The following DEPDC5 variants were observed in gnomAD, a reference collection of about 807,000 sequenced individuals.
DEPDC5 encodes GATOR1 complex protein DEPDC5.
Under a neutral mutation model 217.3 loss-of-function variants are expected in DEPDC5, and 73 were observed. The observed-to-expected ratio is 0.34, with a 90% CI of 0.28 to 0.41. The LOEUF (loss-of-function observed/expected upper bound fraction) is 0.41. DEPDC5 is among the 10% of genes least tolerant of loss of function. The pLI, the probability that DEPDC5 is intolerant of heterozygous loss-of-function variation, is 1.00. For missense variants in DEPDC5, 1,675 were observed against 2,070.1 expected, an observed-to-expected ratio of 0.81 and a Z score of 3.70; for synonymous variants, 733 against 756.7, an observed-to-expected ratio of 0.97 and a Z score of 0.51.
intron 10 of DEPDC5, among the ~76,000 whole-genome samples, chr22:31,790,221 A>G (rs888819609): frequency 1.3e-5 from 2 of 152,122 alleles, no homozygotes; most frequent in African/African-American, 4.8e-5. Flanking sequence ...ACATCCATGA[A>G]ATGTACATTA....
intron 2 of DEPDC5, chr22:31,757,181 T>C (rs565778907): frequency 2.0e-5 from 3 of 152,130 alleles, no homozygotes; most frequent in South Asian, 2.1e-4. Flanking sequence ...AGTGGAAACA[T>C]AGCAAATAAA....
At position 31,783,923 on chromosome 22, in the gene DEPDC5, C is replaced by T. The variant is rs575683658; in HGVS notation, c.500C>T (p.Thr167Met). ...SEDTRVVFRS[T>M]SAMVYIFIQM... Reference sequence around the variant, plus strand: ...TTATTTCAGGTGGTGTTTCGTTCTACGTCGGCTATGGTTTACATATTTATT... The same window carrying T: ...TTATTTCAGGTGGTGTTTCGTTCTATGTCGGCTATGGTTTACATATTTATT... The change falls in exon 9 of 43, where the codon ACG becomes ATG. Residue 167 changes from threonine (T) to methionine (M), a missense_variant. Physicochemically the swap from Thr to Met is moderately conservative, Grantham distance 81 (BLOSUM62 -1). Coordinates refer to ENST00000651528, the MANE Select transcript of DEPDC5 (RefSeq NM_001242896.3). 18 of 1,613,182 alleles carry T rather than the reference C, an allele frequency of 1.1e-5. No individual in the cohort carries two copies. Among genetic ancestry groups the T allele is most frequent in the African/African-American group, 6.7e-5 (5 of 74,864 alleles).
In DEPDC5 at chr22:31,815,385, CTTTTTTT is replaced by C. The variant is rs10712869; in HGVS notation, c.1666+189_1666+195del. The C allele has an allele frequency of 2.5e-4, 147 of 578,682 alleles. 1 individual carries two copies. Among genetic ancestry groups the C allele is most frequent in the Admixed American group, 6.1e-4 (19 of 31,088 alleles). The allele number at this position is 578,682 out of a possible 1,614,324, so 35.8% of individuals were successfully genotyped here. ...TGTTAGCTATGTATATATTATACTT[CTTTTTTT>C]TTTTTTTTTTTTTTTGGTGACAGAG... On this transcript the variant is annotated intron_variant, in intron 21 of 42. Transcript: ENST00000651528.
rs1045614779 is a variant in DEPDC5, at chr22:31,819,162, C to G, written c.1807C>G (p.Pro603Ala). 3.7e-6 allele frequency: 6 copies of G among 1,614,080 alleles called. No individual in the cohort carries two copies. Among genetic ancestry groups the G allele is most frequent in the African/African-American group, 1.3e-5 (1 of 74,924 alleles). Residue 603 changes from proline (P) to alanine (A), a missense_variant, in exon 22 of 43, where the codon CCC becomes GCC. Physicochemically the swap from Pro to Ala is conservative, Grantham distance 27 (BLOSUM62 -1). This residue lies in a region of DEPDC5 where 628 missense variants were observed against 762.1 expected (regional missense o/e 0.82). Transcript: ENST00000651528. ...PQRALINPFA[P>A]SRMPMKLTSN... ...GAGAGCACTGATTAACCCCTTCGCT[C>G]CCTCTCGGATGCCCATGAAGCTTAC...
intron 33 of DEPDC5, among the ~76,000 whole-genome samples, chr22:31,869,134 A>C (rs563333415): frequency 6.6e-6 from 1 of 152,188 alleles, no homozygotes; most frequent in East Asian, 1.9e-4. Flanking sequence ...GTTACTTGGA[A>C]GGCTGAGACA....
chr22:31,869,625 AC>A (rs2092786164), intron 33 of DEPDC5, among the ~76,000 whole-genome samples: 2 of 150,836 alleles, frequency 1.3e-5, no homozygotes, highest in Non-Finnish European at 2.9e-5. Context: ...GGAGAAGAGC[AC>A]CCCAGGGCGA....
At chr22:31,810,715 A>G (rs1437933453) in intron 20 of DEPDC5, 74 bp downstream of exon 20, 3 of 1,566,332 alleles carry the variant, frequency 1.9e-6, no homozygotes, top group South Asian at 1.2e-5. Context: ...AGTGACCTCT[A>G]AGAGAGCAAC....
intron 3 of DEPDC5, among the ~76,000 whole-genome samples, chr22:31,759,825 G>A (rs1464455443): frequency 1.3e-5 from 2 of 151,408 alleles, no homozygotes; most frequent in Non-Finnish European, 1.5e-5. Context: ...TGGAACTACA[G>A]GTGTGGGCCA....
At chr22:31,768,968 G>A (rs1432250077) in intron 7 of DEPDC5, 105 bp downstream of exon 7, 3 of 1,453,756 alleles carry the variant, frequency 2.1e-6, no homozygotes, top group Admixed American at 1.8e-5. Flanking sequence ...AGTATAAAAT[G>A]TTAGATTGTT....
intron 35 of DEPDC5, chr22:31,873,691 C>A: frequency 5.4e-6 from 1 of 185,888 alleles, no homozygotes; most frequent in Non-Finnish European, 1.1e-5. Context: ...ATGTGAGGTA[C>A]CTAGTATGAT....
intron 24 of DEPDC5, among the ~76,000 whole-genome samples, chr22:31,830,616 G>A (rs187703538): frequency 9.0e-5 from 13 of 145,204 alleles, no homozygotes; most frequent in African/African-American, 2.9e-4. Flanking sequence ...TTGCTTTTTC[G>A]GGGTATGCGT....
chr22:31,760,695 A>G lies in DEPDC5; in HGVS notation c.186A>G (p.Leu62=), dbSNP rs2148027760. ...LLQVKSLKED[L]QKETISVDQT... ...AGGTCAAGTCTCTTAAGGAAGATTT[A>G]CAGAAGGGTAAGAATTATATCACTC... is the stretch of plus-strand genomic sequence containing the variant. Residue 62 remains leucine, a synonymous_variant, in exon 4 of 43, where the codon TTA becomes TTG. Coordinates refer to ENST00000651528, the MANE Select transcript of DEPDC5 (RefSeq NM_001242896.3). 1.2e-6 allele frequency: 2 copies of G among 1,611,844 alleles called. No individual in the cohort carries two copies. Among genetic ancestry groups the G allele is most frequent in the South Asian group, 1.1e-5 (1 of 90,604 alleles).
intron 38 of DEPDC5, among the ~76,000 whole-genome samples, chr22:31,892,239 C>T (rs2093451664): frequency 6.6e-6 from 1 of 152,200 alleles, no homozygotes; most frequent in South Asian, 2.1e-4. Context: ...CCCTGGCTGC[C>T]ATTTCCTCAT....
At chr22:31,878,905 C>T (rs545474712) in intron 37 of DEPDC5, among the ~76,000 whole-genome samples, 15 of 150,758 alleles carry the variant, frequency 9.9e-5, no homozygotes, top group Non-Finnish European at 2.1e-4. Flanking sequence ...GGCGTGGTGG[C>T]GCATGTTGCT....
At chr22:31,815,433 G>A (rs1220859872) in intron 21 of DEPDC5, 1 of 665,144 alleles carries the variant, frequency 1.5e-6, no homozygotes, top group Admixed American at 2.6e-5. Flanking sequence ...AGGATAAAGT[G>A]CAGTGATGCA....
chr22:31,782,686 C>G (rs545130916), intron 8 of DEPDC5, among the ~76,000 whole-genome samples: 3 of 152,136 alleles, frequency 2.0e-5, no homozygotes, highest in Non-Finnish European at 4.4e-5. Context: ...GTTCTGTCTC[C>G]GTAATGAGAT....
At chr22:31,858,538 A>G (rs1372719284) in intron 32 of DEPDC5, 1 of 152,194 alleles carries the variant, frequency 6.6e-6, no homozygotes, top group Non-Finnish European at 1.5e-5. Flanking sequence ...TTGTGGTCAA[A>G]TGGTATATCT....
intron 14 of DEPDC5, among the ~76,000 whole-genome samples, chr22:31,801,597 G>A (rs556123922): frequency 3.9e-5 from 6 of 152,298 alleles, no homozygotes; most frequent in Admixed American, 1.3e-4. Flanking sequence ...ACACCATGTC[G>A]AAGAACCTTA....
At chr22:31,896,059 C>T (rs1345600891) in intron 39 of DEPDC5, among the ~76,000 whole-genome samples, 6 of 151,648 alleles carry the variant, frequency 4.0e-5, no homozygotes, top group Admixed American at 6.6e-5. Context: ...TAGACACACA[C>T]ATATAGTTAT....
Sources: allele counts gnomAD v4.1 joint callset (sites outside exome capture counted in the v4.1 genomes callset), GRCh38; gene constraint gnomAD v4.1.1; regional missense constraint gnomAD v4.1.1; transcripts MANE v1.5; gene names NCBI Gene and HGNC (gene_info 2026-07-23, HGNC 2026-07-21).